Variants in RLIM observed in about 807,000 individuals in gnomAD.
RLIM encodes the protein E3 ubiquitin-protein ligase RLIM.
In RLIM, 2 loss-of-function variants were observed where a neutral mutation model predicts 34.0. The observed-to-expected ratio is 0.06, with a 90% CI of 0.02 to 0.19. The LOEUF is 0.19. Ranked by LOEUF, RLIM falls within the 10% of genes least tolerant of loss-of-function variation. RLIM has a pLI of 1.00. For missense variants in RLIM, 286 were observed against 479.7 expected, an observed-to-expected ratio of 0.60 and a Z score of 3.77; for synonymous variants, 169 against 164.0, an observed-to-expected ratio of 1.03 and a Z score of -0.23.
intron 3 of RLIM, 48 bp downstream of exon 3, chrX:74,594,258 C>G (rs763341007): frequency 2.2e-6 from 2 of 906,692 alleles, no homozygotes; most frequent in Admixed American, 6.0e-5. Context: ...TTACAAAGTT[C>G]CTATCATCCC....
chrX:74,607,509 A>G (rs1285262938), intron 1 of RLIM, among the ~76,000 whole-genome samples: 1 of 113,055 alleles, frequency 8.8e-6, no homozygotes, highest in Non-Finnish European at 1.9e-5. Flanking sequence ...CAGGAGTTCA[A>G]GAGCAGTCTG....
rs1264898082 is a variant in RLIM, at chrX:74,588,903, A to G, written c.*2537T>C. 1.8e-5 allele frequency: 2 copies of G among 112,213 alleles called. No individual in the cohort carries two copies. The highest frequency in any genetic ancestry group is 3.7e-4 in the South Asian group (1 of 2,686). The allele number at this position is 112,213 out of a possible 1,213,427, so 9.2% of individuals were successfully genotyped here. On this transcript the variant is annotated 3_prime_UTR_variant, in exon 4 of 4. Coordinates refer to ENST00000332687, the MANE Select transcript of RLIM (RefSeq NM_016120.4). ...GCATGTAATAATCACGGACATCGCAAGATTAAAAATTAAGTAGCAAATTCC... is the reference window on the plus strand; with the variant it reads ...GCATGTAATAATCACGGACATCGCAGGATTAAAAATTAAGTAGCAAATTCC...
At chrX:74,614,078 A>T (rs1430641894) in intron 1 of RLIM, among the ~76,000 whole-genome samples, 1 of 109,708 alleles carries the variant, frequency 9.1e-6, no homozygotes, top group African/African-American at 3.3e-5. Flanking sequence ...AAAGCCTGAG[A>T]CGTTCTAAGA....
In RLIM at chrX:74,596,159, A is replaced by ATAT. The variant is rs2079638842; in HGVS notation, c.-23-160_-23-159insATA. On this transcript the variant is annotated intron_variant, in intron 1 of 3. Coordinates refer to ENST00000332687, the MANE Select transcript of RLIM (RefSeq NM_016120.4). ...ACTCCTGAAAAGCACTGTTATATTA[A>ATAT]GAGTAGGTCAAGGGTTGGCAAACTA... Among the ~76,000 whole-genome samples, 3 of 112,766 alleles carry ATAT rather than the reference A, an allele frequency of 2.7e-5. No homozygotes were observed. In the Admixed American group the frequency reaches 2.8e-4, roughly 11 times the overall value.
chrX:74,605,158 G>C (rs1471100951), intron 1 of RLIM, among the ~76,000 whole-genome samples: 12 of 111,624 alleles, frequency 1.1e-4, no homozygotes. Context: ...AAAGAAAATG[G>C]AAATCAAGGC....
chrX:74,607,517 C>A (rs2079687641), intron 1 of RLIM, among the ~76,000 whole-genome samples: 1 of 112,911 alleles, frequency 8.9e-6, no homozygotes, highest in Non-Finnish European at 1.9e-5. Flanking sequence ...CAAGAGCAGT[C>A]TGGCCAACAT....
intron 3 of RLIM, 100 bp downstream of exon 3, chrX:74,594,206 A>T: frequency 1.8e-6 from 1 of 552,075 alleles, no homozygotes; most frequent in African/African-American, 2.3e-5. Flanking sequence ...GCACCAAATT[A>T]ATTTGTGCCA....
At chrX:74,600,930 A>G (rs1182262316) in intron 1 of RLIM, among the ~76,000 whole-genome samples, 16 of 109,330 alleles carry the variant, frequency 1.5e-4, no homozygotes, top group African/African-American at 5.3e-4. Context: ...AGGCTGAGGC[A>G]GGAGAATCAC....
intron 1 of RLIM, among the ~76,000 whole-genome samples, chrX:74,606,449 A>G (rs1375089773): frequency 1.8e-5 from 2 of 112,036 alleles, no homozygotes; most frequent in Non-Finnish European, 3.8e-5. Context: ...AGAATTTTAA[A>G]GTATTGTTAA....
intron 2 of RLIM, 98 bp downstream of exon 2, chrX:74,595,711 C>A: frequency 1.7e-6 from 1 of 576,642 alleles, no homozygotes; most frequent in Non-Finnish European, 2.6e-6. Flanking sequence ...AATAATATTT[C>A]ATAAGGGCTA....
chrX:74,605,424 T>C (rs2079678425), intron 1 of RLIM, among the ~76,000 whole-genome samples: 1 of 112,270 alleles, frequency 8.9e-6, no homozygotes, highest in South Asian at 3.7e-4. Flanking sequence ...TCTATCTCCA[T>C]TTTGGGTGTG....
chrX:74,600,288 A>AAATAC (rs1433763889), intron 1 of RLIM, among the ~76,000 whole-genome samples: 1 of 111,231 alleles, frequency 9.0e-6, no homozygotes, highest in Non-Finnish European at 1.9e-5. Flanking sequence ...GGCACTAAAA[A>AAATAC]AATACAAAAC....
In RLIM at chrX:74,588,229, G is replaced by A. The variant is rs965805252; in HGVS notation, c.*3211C>T. On this transcript the variant is annotated 3_prime_UTR_variant, in exon 4 of 4. Coordinates refer to ENST00000332687, the MANE Select transcript of RLIM (RefSeq NM_016120.4). ...TCACGCCTGTAATCCCAGCATTTTC[G>A]GAGGCCGAGGCAGGCACATCACTTG... 2 of 111,480 alleles carry A rather than the reference G, an allele frequency of 1.8e-5. No homozygotes were observed. The highest frequency in any genetic ancestry group is 1.9e-4 in the Admixed American group (2 of 10,475). The allele number at this position is 111,480 out of a possible 1,213,427, so 9.2% of individuals were successfully genotyped here.
At chrX:74,600,176 A>G (rs1028849001) in intron 1 of RLIM, among the ~76,000 whole-genome samples, 2 of 111,243 alleles carry the variant, frequency 1.8e-5, no homozygotes, top group South Asian at 3.7e-4. Context: ...CTTAACTGTA[A>G]TAAGATTATA....
chrX:74,613,633 C>T (rs1569314761), intron 1 of RLIM, among the ~76,000 whole-genome samples: 1 of 68,364 alleles, frequency 1.5e-5, no homozygotes, highest in Non-Finnish European at 2.7e-5. Context: ...AGAGACCCCC[C>T]TAGGCTTTTT....
intron 1 of RLIM, among the ~76,000 whole-genome samples, chrX:74,606,290 A>G (rs1292497931): frequency 8.9e-6 from 1 of 111,770 alleles, no homozygotes; most frequent in Non-Finnish European, 1.9e-5. Flanking sequence ...GAAACAAGAA[A>G]CCAAATGAGA....
rs2079622415 is a variant in RLIM, at chrX:74,592,803, T to C, written c.512A>G (p.Asn171Ser). Reference sequence around the variant, plus strand: ...TGGGTTTTCCACTTGCCTTTGGCTGTTGTTTTCCACATTTTCTCCACTAGA... The same window carrying C: ...TGGGTTTTCCACTTGCCTTTGGCTGCTGTTTTCCACATTTTCTCCACTAGA... ...RRSSGENVEN[N>S]SQRQVENPRS... The change falls in exon 4 of 4, where the codon AAC becomes AGC. Residue 171 changes from asparagine to serine, a missense_variant. This residue lies in a region of RLIM where 121 missense variants were observed against 182.4 expected (regional missense o/e 0.66). Transcript: ENST00000332687. The C allele has an allele frequency of 8.3e-7, 1 of 1,209,964 alleles. No homozygotes were observed. Among genetic ancestry groups the C allele is most frequent in the African/African-American group, 1.7e-5 (1 of 57,283 alleles).
intron 1 of RLIM, among the ~76,000 whole-genome samples, chrX:74,609,592 G>C (rs1286529610): frequency 9.8e-6 from 1 of 102,306 alleles, no homozygotes; most frequent in Admixed American, 1.1e-4. Flanking sequence ...TTGTATTTAA[G>C]ACCAACCATG....
intron 1 of RLIM, among the ~76,000 whole-genome samples, chrX:74,613,930 G>A (rs1010459802): frequency 4.5e-5 from 5 of 110,342 alleles, no homozygotes; most frequent in African/African-American, 1.7e-4. Context: ...TCAAAATGAG[G>A]TTTTGGAAAT....
Sources: allele counts gnomAD v4.1 joint callset (sites outside exome capture counted in the v4.1 genomes callset), GRCh38; gene constraint gnomAD v4.1.1; regional missense constraint gnomAD v4.1.1; transcripts MANE v1.5; gene names NCBI Gene and HGNC (gene_info 2026-07-23, HGNC 2026-07-21).